Variants in NCAM2 observed in about 807,000 individuals in gnomAD.
The protein encoded by NCAM2 is neural cell adhesion molecule 2.
In NCAM2, 30 loss-of-function variants were observed where a neutral mutation model predicts 98.1. That is an observed-to-expected ratio of 0.31 (90% CI 0.23 to 0.41). NCAM2 has a LOEUF of 0.41. Ranked by LOEUF, NCAM2 falls within the 10% of genes least tolerant of loss-of-function variation. The probability of loss-of-function intolerance (pLI) is 1.00; values close to 1 mark genes in which losing one functional copy is unlikely to be tolerated. For synonymous variants in NCAM2, 368 were observed against 342.4 expected, an observed-to-expected ratio of 1.07 and a Z score of -0.83; for missense variants, 867 against 1,005.8, an observed-to-expected ratio of 0.86 and a Z score of 1.87.
intron 1 of NCAM2, among the ~76,000 whole-genome samples, chr21:21,027,915 G>C (rs1027955582): frequency 6.6e-6 from 1 of 150,634 alleles, no homozygotes; most frequent in Non-Finnish European, 1.5e-5. Context: ...GGAGTGCGGT[G>C]GCACGATCTC....
intron 5 of NCAM2, among the ~76,000 whole-genome samples, chr21:21,308,753 G>A (rs574641604): frequency 6.6e-6 from 1 of 152,224 alleles, no homozygotes; most frequent in South Asian, 2.1e-4. Flanking sequence ...TAGGCTACTT[G>A]AATGTTCCAA....
At chr21:21,260,016 A>C (rs1255552620) in intron 1 of NCAM2, among the ~76,000 whole-genome samples, 1 of 151,564 alleles carries the variant, frequency 6.6e-6, no homozygotes, top group East Asian at 1.9e-4. Context: ...AAAATAGAAC[A>C]TCTGGAATTG....
intron 10 of NCAM2, among the ~76,000 whole-genome samples, chr21:21,410,782 G>A (rs2145915151): frequency 6.6e-6 from 1 of 151,262 alleles, no homozygotes; most frequent in Non-Finnish European, 1.5e-5. Context: ...GCTGAGGAGG[G>A]CAGATCACAA....
intron 1 of NCAM2, among the ~76,000 whole-genome samples, chr21:21,253,034 T>G (rs936468867): frequency 6.6e-6 from 1 of 152,202 alleles, no homozygotes; most frequent in South Asian, 2.1e-4. Context: ...TACTTTTCCA[T>G]CTTCCCTTTT....
chr21:21,432,394 G>T lies in NCAM2; in HGVS notation c.1654+113G>T, dbSNP rs28636978. ...TTTTCTTTTCTTTTAATAAAATGGT[G>T]TTGGGAAGATATTTTCTGTGCCCCA... is the stretch of plus-strand genomic sequence containing the variant. On this transcript the variant is annotated intron_variant, in intron 12 of 17. Coordinates refer to ENST00000400546, the MANE Select transcript of NCAM2 (RefSeq NM_004540.5). 6.7e-4 allele frequency: 636 copies of T among 950,498 alleles called. 3 individuals are homozygous for T. In the African/African-American group the frequency reaches 9.6e-3, roughly 14 times the overall value. The allele number at this position is 950,498 out of a possible 1,614,324, so 58.9% of individuals were successfully genotyped here.
intron 1 of NCAM2, among the ~76,000 whole-genome samples, chr21:21,166,263 A>G (rs1010306305): frequency 6.6e-6 from 1 of 152,170 alleles, no homozygotes; most frequent in Non-Finnish European, 1.5e-5. Context: ...GCTGGAGTGC[A>G]GTGGCGCCAT....
intron 1 of NCAM2, among the ~76,000 whole-genome samples, chr21:21,205,822 A>T (rs1336507406): frequency 1.3e-5 from 2 of 152,116 alleles, no homozygotes. Flanking sequence ...GGCGAGGATC[A>T]GTCTTCTGTT....
intron 15 of NCAM2, among the ~76,000 whole-genome samples, chr21:21,489,535 T>A (rs1428447249): frequency 2.6e-5 from 4 of 152,164 alleles, no homozygotes; most frequent in African/African-American, 9.6e-5. Flanking sequence ...TTTCTGTTCA[T>A]TGTTTGTAAA....
At chr21:21,078,443 T>C (rs1455610942) in intron 1 of NCAM2, among the ~76,000 whole-genome samples, 2 of 152,172 alleles carry the variant, frequency 1.3e-5, no homozygotes, top group East Asian at 3.9e-4. Flanking sequence ...ATAATTCAGA[T>C]GTGTAAAAAA....
At chr21:21,202,182 G>A (rs976462897) in intron 1 of NCAM2, among the ~76,000 whole-genome samples, 2 of 152,074 alleles carry the variant, frequency 1.3e-5, no homozygotes, top group African/African-American at 4.8e-5. Context: ...CCACTTCCCA[G>A]TTTTGTGACT....
At chr21:21,131,629 T>C (rs1569057154) in intron 1 of NCAM2, among the ~76,000 whole-genome samples, 1 of 152,224 alleles carries the variant, frequency 6.6e-6, no homozygotes, top group African/African-American at 2.4e-5. Context: ...AAATTATGTA[T>C]TGACTTACAT....
chr21:21,510,978 TC>T (rs1265250476), intron 16 of NCAM2, among the ~76,000 whole-genome samples: 1 of 152,012 alleles, frequency 6.6e-6, no homozygotes. Flanking sequence ...GATTACTTTT[TC>T]CTGTTTTGTA....
At chr21:21,371,712 T>C (rs2148041314) in intron 8 of NCAM2, among the ~76,000 whole-genome samples, 1 of 152,004 alleles carries the variant, frequency 6.6e-6, no homozygotes, top group Middle Eastern at 3.4e-3. Flanking sequence ...ATAGTTTGCC[T>C]ACCTGGTGCT....
intron 12 of NCAM2, among the ~76,000 whole-genome samples, chr21:21,452,963 A>AAT (rs1569079556): frequency 3.0e-5 from 1 of 33,172 alleles, no homozygotes; most frequent in Non-Finnish European, 5.9e-5. Flanking sequence ...TATATTATAT[A>AAT]TTATATATTA....
In NCAM2 at chr21:21,534,647, C is replaced by G. The variant is rs1191821223; in HGVS notation, c.2393C>G (p.Thr798Arg). ...GAGCCAAATGAAACCACACCACTGA[C>G]AGAACCTGAGTATGTGGCTTGGAGT... ...VNEPNETTPL[T>R]EPEKLPLKEE... The change falls in exon 17 of 18, where the codon ACA (threonine) becomes AGA (arginine). Residue 798 changes from threonine (T) to arginine (R), a missense_variant. Physicochemically the swap from Thr to Arg is moderately conservative, Grantham distance 71. This residue lies in a region of NCAM2 where 125 missense variants were observed against 116.1 expected (regional missense o/e 1.08). Transcript: ENST00000400546. 1 of 1,608,714 alleles carries G rather than the reference C, an allele frequency of 6.2e-7. No homozygotes were observed. The highest frequency in any genetic ancestry group is 8.5e-7 in the Non-Finnish European group (1 of 1,177,668).
Position 21,519,577 on chromosome 21 carries a change from T to A in NCAM2, c.2282+10522T>A, listed in dbSNP as rs199686970. Among the ~76,000 whole-genome samples the A allele has an allele frequency of 0.013, 3 of 240 alleles. No homozygotes were observed. The East Asian group carries it at 0.19, about 15-fold the overall frequency. 0.2% of individuals were successfully genotyped at this position (240 alleles called of 152,430 possible). ...TTTATATAACCCTGTTATTTGTTAA[T>A]TTGTCCACCACACCTCTGTTTTTAA... is the stretch of plus-strand genomic sequence containing the variant. On this transcript the variant is annotated intron_variant, in intron 16 of 17. Transcript: ENST00000400546.
At chr21:21,529,980 C>T (rs1037022402) in intron 16 of NCAM2, among the ~76,000 whole-genome samples, 11 of 149,032 alleles carry the variant, frequency 7.4e-5, no homozygotes, top group East Asian at 1.9e-4. Flanking sequence ...CATATATTAG[C>T]GTTTCCATAA....
Position 21,440,709 on chromosome 21 carries a change from A to T in NCAM2, c.1654+8428A>T, listed in dbSNP as rs28580799. ...AACAACAAAAAAAAGAAAAGAAAAG[A>T]AAAGAAAAAACAGAGAAGGAGAGAA... On this transcript the variant is annotated intron_variant, in intron 12 of 17. Transcript: ENST00000400546. Among the ~76,000 whole-genome samples the T allele has an allele frequency of 2.8e-3, 427 of 151,926 alleles. 1 individual carries two copies. The highest frequency in any genetic ancestry group is 1.0e-2 in the African/African-American group (413 of 41,452).
At chr21:21,347,979 A>G (rs1248373176) in intron 8 of NCAM2, among the ~76,000 whole-genome samples, 2 of 152,118 alleles carry the variant, frequency 1.3e-5, no homozygotes, top group African/African-American at 4.8e-5. Context: ...AATAGAAGCC[A>G]TATACGACAG....
Sources: gnomAD v4.1 joint callset for allele counts (sites outside exome capture counted in the v4.1 genomes callset) on GRCh38, gnomAD v4.1.1 for gene constraint, gnomAD v4.1.1 regional missense constraint, MANE v1.5 for transcripts, NCBI Gene and HGNC (gene_info 2026-07-23, HGNC 2026-07-21) for gene names.